The following MYO7A variants were observed in gnomAD, a reference collection of about 807,000 sequenced individuals.
MYO7A encodes the protein myosin VIIA.
A neutral mutation model predicts 263.8 loss-of-function variants in MYO7A; 210 were observed. That is an observed-to-expected ratio of 0.80 (90% CI 0.71 to 0.89). The LOEUF is 0.89. MYO7A is among the 40% of genes least tolerant of loss of function. The pLI, the probability that MYO7A is intolerant of heterozygous loss-of-function variation, is 0.00. For synonymous variants in MYO7A, 1,239 were observed against 1,197.3 expected, an observed-to-expected ratio of 1.03 and a Z score of -0.72; for missense variants, 2,820 against 2,968.3, an observed-to-expected ratio of 0.95 and a Z score of 1.16.
chr11:77,179,271 T>A, intron 20 of MYO7A, 142 bp downstream of exon 20: 1 of 677,712 alleles, frequency 1.5e-6, no homozygotes, highest in Admixed American at 2.8e-5. Context: ...GCCACTACCA[T>A]TCCTCCAGAC....
At chr11:77,142,491 A>T in intron 2 of MYO7A, 1 of 596,696 alleles carries the variant, frequency 1.7e-6, no homozygotes, top group South Asian at 1.5e-5. Context: ...AAATGGGAAT[A>T]TGGCTGTTCT....
chr11:77,140,662 C>T (rs1951157371), intron 2 of MYO7A, among the ~76,000 whole-genome samples: 1 of 152,222 alleles, frequency 6.6e-6, no homozygotes, highest in Non-Finnish European at 1.5e-5. Context: ...TGTGGGGTGG[C>T]TGTCAGGGGT....
intron 41 of MYO7A, among the ~76,000 whole-genome samples, chr11:77,206,464 GC>G (rs1957452944): frequency 6.6e-6 from 1 of 152,204 alleles, no homozygotes; most frequent in South Asian, 2.1e-4. Flanking sequence ...AGGAGGACTT[GC>G]CTTGGAGAAA....
intron 15 of MYO7A, among the ~76,000 whole-genome samples, chr11:77,167,067 C>T (rs1555073036): frequency 6.6e-6 from 1 of 152,220 alleles, no homozygotes; most frequent in Non-Finnish European, 1.5e-5. Context: ...GTCCCGAGCT[C>T]CCACTGTGCT....
At chr11:77,173,878 G>A (rs1016756564) in intron 16 of MYO7A, among the ~76,000 whole-genome samples, 3 of 152,028 alleles carry the variant, frequency 2.0e-5, no homozygotes, top group Non-Finnish European at 2.9e-5. Context: ...TCTAATGCAG[G>A]GGGTGCAGGG....
chr11:77,207,192 G>A, intron 41 of MYO7A, 97 bp from the exon 42 acceptor site: 1 of 770,604 alleles, frequency 1.3e-6, no homozygotes, highest in Non-Finnish European at 2.1e-6. Flanking sequence ...TCTGGCACGG[G>A]AGGGGGCTCA....
intron 8 of MYO7A, 141 bp downstream of exon 8, chr11:77,157,533 G>C (rs1952607559): frequency 4.8e-6 from 3 of 629,116 alleles, no homozygotes; most frequent in Non-Finnish European, 8.3e-6. Context: ...GGACACCAAG[G>C]AGAAGTGGGC....
chr11:77,156,246 G>A (rs1319336580), intron 5 of MYO7A, among the ~76,000 whole-genome samples, 155 bp downstream of exon 5: 3 of 152,200 alleles, frequency 2.0e-5, no homozygotes, highest in Admixed American at 2.0e-4. Flanking sequence ...GTGTAACAAT[G>A]TAGAAAATCA....
intron 1 of MYO7A, 102 bp from the exon 2 acceptor site, chr11:77,130,487 G>C (rs989977892): frequency 1.2e-6 from 1 of 827,810 alleles, no homozygotes; most frequent in Non-Finnish European, 1.9e-6. Flanking sequence ...CCTTGAGGGA[G>C]GAGGAGCTGG....
Position 77,214,722 on chromosome 11 carries a change from A to G in MYO7A, c.*26A>G. 1 of 1,523,960 alleles carries G rather than the reference A, an allele frequency of 6.6e-7. No homozygotes were observed. Among genetic ancestry groups the G allele is most frequent in the Non-Finnish European group, 8.9e-7 (1 of 1,119,866 alleles). 94.4% of individuals were successfully genotyped at this position (1,523,960 alleles called of 1,614,324 possible). On this transcript the variant is annotated 3_prime_UTR_variant, in exon 49 of 49. Transcript: ENST00000409709. ...ACAGTCACGGGGAGGTGCTGGTTCC[A>G]TGCCTGCTCTCGAGGCAGCAGTGGG...
intron 19 of MYO7A, among the ~76,000 whole-genome samples, chr11:77,177,993 C>G (rs1375506995): frequency 1.3e-5 from 2 of 151,954 alleles, no homozygotes; most frequent in Non-Finnish European, 2.9e-5. Context: ...ATTATTAATA[C>G]AAAATGTGTC....
At chr11:77,156,179 C>T (rs1205892893) in intron 5 of MYO7A, 88 bp downstream of exon 5, 3 of 1,432,320 alleles carry the variant, frequency 2.1e-6, no homozygotes, top group Non-Finnish European at 2.8e-6. Context: ...AGGAATTGCC[C>T]CCGCTGTCGG....
intron 4 of MYO7A, among the ~76,000 whole-genome samples, chr11:77,152,826 G>T (rs7105374): frequency 2.8e-4 from 42 of 151,818 alleles, no homozygotes; most frequent in African/African-American, 1.0e-3. Flanking sequence ...AGGAGGCATC[G>T]TCTCCGCTTG....
chr11:77,199,718 C>G lies in MYO7A; in HGVS notation c.4752C>G (p.Ser1584=), dbSNP rs1208130657. The change falls in exon 35 of 49, where the codon TCC becomes TCG. Residue 1584 remains serine (S), a synonymous_variant. Coordinates refer to ENST00000409709, the MANE Select transcript of MYO7A (RefSeq NM_000260.4). Reference sequence around the variant, plus strand: ...AGGGGGACGAATACACCTTCACCTCCAGCAATGCTGAGGACATTCGTGACC... The same window carrying G: ...AGGGGGACGAATACACCTTCACCTCGAGCAATGCTGAGGACATTCGTGACC... ...TIKGDEYTFT[S]SNAEDIRDLV... 5 of 1,613,564 alleles carry G rather than the reference C, an allele frequency of 3.1e-6. No individual in the cohort carries two copies. The highest frequency in any genetic ancestry group is 3.4e-6 in the Non-Finnish European group (4 of 1,179,828).
intron 27 of MYO7A, among the ~76,000 whole-genome samples, chr11:77,186,997 T>C (rs906371969): frequency 6.6e-6 from 1 of 152,140 alleles, no homozygotes; most frequent in Admixed American, 6.5e-5. Context: ...TCAATATGAA[T>C]GTGTCTCAGG....
chr11:77,192,816 GTGA>G (rs1255167515), intron 31 of MYO7A, among the ~76,000 whole-genome samples: 3 of 149,772 alleles, frequency 2.0e-5, no homozygotes, highest in Non-Finnish European at 3.0e-5. Flanking sequence ...GGTGGAGGTA[GTGA>G]TGATGGTTGG....
Position 77,212,971 on chromosome 11 carries a change from TC to T in MYO7A, c.6377del (p.Pro2126LeufsTer5), listed in dbSNP as rs2135798786. 1.3e-6 allele frequency: 2 copies of T among 1,595,824 alleles called. No individual in the cohort carries two copies. The highest frequency in any genetic ancestry group is 2.7e-5 in the African/African-American group (2 of 74,738). On this transcript the variant is annotated frameshift_variant, in exon 47 of 49. Coordinates refer to ENST00000409709, the MANE Select transcript of MYO7A (RefSeq NM_000260.4). LOFTEE classifies it high-confidence loss of function. ...FEVKQTTEPN[F>X]PEILLIAINK... The stretch of plus-strand genomic sequence containing the variant: ...TTCTAGCAAACTACGGAGCCAAACT[TC>T]CCTGAGATCCTCCTAATTGCCATCA...
chr11:77,205,750 C>A, intron 40 of MYO7A, 133 bp downstream of exon 40: 1 of 1,237,200 alleles, frequency 8.1e-7, no homozygotes, highest in Non-Finnish European at 1.1e-6. Flanking sequence ...CAACTGCCAG[C>A]TAGACGGAGG....
At chr11:77,206,024 C>A in intron 40 of MYO7A, 73 bp from the exon 41 acceptor site, 1 of 1,213,850 alleles carries the variant, frequency 8.2e-7, no homozygotes, top group Non-Finnish European at 1.2e-6. Flanking sequence ...GGTTGTCTGC[C>A]TCCAAGTGTC....
Sources: gnomAD v4.1 joint callset for allele counts (sites outside exome capture counted in the v4.1 genomes callset) on GRCh38, gnomAD v4.1.1 for gene constraint, MANE v1.5 for transcripts, NCBI Gene and HGNC (gene_info 2026-07-23, HGNC 2026-07-21) for gene names.